The following SOX6 variants were observed in gnomAD, a reference collection of about 807,000 sequenced individuals.
SOX6 encodes the protein transcription factor SOX-6.
Under a neutral mutation model 97.8 loss-of-function variants are expected in SOX6, and 11 were observed. The observed-to-expected ratio is 0.11, with a 90% confidence interval of 0.07 to 0.19. SOX6 has a LOEUF of 0.19. Ranked by LOEUF, SOX6 falls within the 10% of genes least tolerant of loss-of-function variation. The pLI is 1.00. For synonymous variants in SOX6, 360 were observed against 371.4 expected, an observed-to-expected ratio of 0.97 and a Z score of 0.35; for missense variants, 810 against 1,039.5, an observed-to-expected ratio of 0.78 and a Z score of 3.04.
intron 4 of SOX6, among the ~76,000 whole-genome samples, chr11:16,521,012 G>A (rs1329627814): frequency 2.0e-5 from 3 of 152,202 alleles, no homozygotes; most frequent in African/African-American, 2.4e-5. Flanking sequence ...ACAGCTCAAG[G>A]AGGCCTCCCT....
At chr11:15,992,681 G>T (rs1854091818) in intron 13 of SOX6, among the ~76,000 whole-genome samples, 1 of 152,070 alleles carries the variant, frequency 6.6e-6, no homozygotes, top group Non-Finnish European at 1.5e-5. Flanking sequence ...ATTAACACCT[G>T]GGTAATGTAC....
intron 12 of SOX6, among the ~76,000 whole-genome samples, chr11:16,018,232 G>T (rs1184745568): frequency 6.6e-6 from 1 of 152,048 alleles, no homozygotes; most frequent in Non-Finnish European, 1.5e-5. Context: ...CAATGACGGG[G>T]CAGCCTCACT....
chr11:16,662,946 C>T (rs555604519), intron 3 of SOX6, among the ~76,000 whole-genome samples: 10 of 152,056 alleles, frequency 6.6e-5, no homozygotes, highest in African/African-American at 1.9e-4. Flanking sequence ...CCCACCTTGG[C>T]CCCCAAAGTT....
chr11:16,524,136 G>A (rs1861117154), intron 4 of SOX6, among the ~76,000 whole-genome samples: 1 of 152,140 alleles, frequency 6.6e-6, no homozygotes, highest in Non-Finnish European at 1.5e-5. Flanking sequence ...TATGAGGACA[G>A]CATCATCCTG....
chr11:16,067,670 C>T (rs1359750880), intron 9 of SOX6, among the ~76,000 whole-genome samples: 1 of 152,098 alleles, frequency 6.6e-6, no homozygotes, highest in Admixed American at 6.6e-5. Flanking sequence ...AATAGTGTAA[C>T]TGGATTGTTT....
In SOX6 at chr11:16,698,690, G is replaced by A. The variant is rs564297326; in HGVS notation, n.429+16140C>T. On this transcript the variant is annotated intron_variant and non_coding_transcript_variant, in intron 3 of 5. Transcript: ENST00000524520. ...TCCTTTCACTTGAATATCGAGAGGCGATTGTAGGCTTATTAATTGGCCTAA... is the reference window on the plus strand; with the variant it reads ...TCCTTTCACTTGAATATCGAGAGGCAATTGTAGGCTTATTAATTGGCCTAA... Among the ~76,000 whole-genome samples the A allele has an allele frequency of 9.9e-5, 15 of 152,246 alleles. No individual in the cohort carries two copies. The East Asian group carries it at 2.9e-3, about 29-fold the overall frequency.
intron 3 of SOX6, among the ~76,000 whole-genome samples, chr11:16,305,786 G>C (rs564364822): frequency 6.6e-6 from 1 of 151,584 alleles, no homozygotes; most frequent in South Asian, 2.1e-4. Context: ...TGGATTGGAT[G>C]AATCTCCAGG....
chr11:16,356,289 T>A lies in SOX6; in HGVS notation c.-200A>T, dbSNP rs1381355623. ...AGTCTCAGGCTACCAATTGTAGCCA[T>A]AACTTTAAGCAACATCTAATTTGCT... On this transcript the variant is annotated 5_prime_UTR_variant, in exon 1 of 16. The change abolishes an upstream ATG in the 5' untranslated region. Transcript: ENST00000683767. Among the ~76,000 whole-genome samples the A allele has an allele frequency of 4.0e-5, 6 of 151,258 alleles. No homozygotes were observed. Among genetic ancestry groups the A allele is most frequent in the Non-Finnish European group, 8.8e-5 (6 of 67,878 alleles).
At chr11:16,003,850 A>G (rs1274446186) in intron 13 of SOX6, among the ~76,000 whole-genome samples, 4 of 152,010 alleles carry the variant, frequency 2.6e-5, no homozygotes, top group African/African-American at 9.7e-5. Context: ...ATTGGTTCCA[A>G]TCTTACTTCT....
intron 4 of SOX6, among the ~76,000 whole-genome samples, chr11:16,519,559 GAT>G (rs143401070): frequency 2.0e-5 from 3 of 150,140 alleles, no homozygotes; most frequent in Admixed American, 6.7e-5. Flanking sequence ...AGTATTCTAT[GAT>G]ATATATATAT....
chr11:16,243,205 A>T (rs1050002676), intron 3 of SOX6, among the ~76,000 whole-genome samples: 1 of 151,976 alleles, frequency 6.6e-6, no homozygotes, highest in Admixed American at 6.6e-5. Context: ...TATTTTTTAT[A>T]TTCTTCTCAT....
chr11:16,713,235 C>T (rs1848194353), intron 3 of SOX6, among the ~76,000 whole-genome samples: 1 of 152,088 alleles, frequency 6.6e-6, no homozygotes, highest in Non-Finnish European at 1.5e-5. Flanking sequence ...AACATTTTAA[C>T]AAGCATTTAC....
chr11:16,084,986 C>A (rs547932412), intron 9 of SOX6, among the ~76,000 whole-genome samples: 3 of 152,282 alleles, frequency 2.0e-5, no homozygotes, highest in African/African-American at 7.2e-5. Flanking sequence ...TGAAGAATTT[C>A]CACCCAAATT....
At chr11:16,283,036 T>C (rs868590750) in intron 3 of SOX6, among the ~76,000 whole-genome samples, 1 of 134,018 alleles carries the variant, frequency 7.5e-6, no homozygotes, top group Non-Finnish European at 1.6e-5. Context: ...TATATATATA[T>C]ATATATGTAA....
At chr11:16,500,530 T>G (rs1261477432) in intron 4 of SOX6, among the ~76,000 whole-genome samples, 1 of 152,200 alleles carries the variant, frequency 6.6e-6, no homozygotes, top group African/African-American at 2.4e-5. Flanking sequence ...TGTCCCTGTT[T>G]GCAGATGACA....
At chr11:16,668,765 C>T (rs141912193) in intron 3 of SOX6, among the ~76,000 whole-genome samples, 107 of 151,998 alleles carry the variant, frequency 7.0e-4, no homozygotes, top group African/African-American at 2.1e-3. Flanking sequence ...TACACTTAGA[C>T]GAAATAGATT....
chr11:16,504,577 T>A (rs1182953867), intron 4 of SOX6, among the ~76,000 whole-genome samples: 1 of 145,954 alleles, frequency 6.9e-6, no homozygotes, highest in Admixed American at 6.9e-5. Context: ...GAAAAAAAAA[T>A]GAAGAGGACA....
At chr11:16,147,011 C>G (rs1850324504) in intron 6 of SOX6, among the ~76,000 whole-genome samples, 3 of 152,040 alleles carry the variant, frequency 2.0e-5, no homozygotes, top group Admixed American at 2.0e-4. Context: ...GGGTATATAC[C>G]CAAAGGATTA....
chr11:16,591,992 C>T (rs1009721375), intron 4 of SOX6, among the ~76,000 whole-genome samples: 11 of 151,928 alleles, frequency 7.2e-5, no homozygotes, highest in Admixed American at 6.6e-5. Flanking sequence ...AAAGCATATT[C>T]GATTATAGGA....
Sources: gnomAD v4.1 joint callset for allele counts (sites outside exome capture counted in the v4.1 genomes callset) on GRCh38, gnomAD v4.1.1 for gene constraint, MANE v1.5 for transcripts, NCBI Gene and HGNC (gene_info 2026-07-23, HGNC 2026-07-21) for gene names.